Variants in NRXN3 observed in about 807,000 individuals in gnomAD.
NRXN3 encodes neurexin 3.
Under a neutral mutation model 137.6 loss-of-function variants are expected in NRXN3, and 32 were observed. That is an observed-to-expected ratio of 0.23 (90% CI 0.18 to 0.31). The LOEUF is 0.31. NRXN3 is among the 10% of genes least tolerant of loss of function. NRXN3 has a pLI of 1.00. For synonymous variants in NRXN3, 798 were observed against 784.5 expected (o/e 1.02, Z -0.29); for missense variants, 1,574 against 2,062.5 (o/e 0.76, Z 4.59).
At chr14:78,971,313 C>A (rs1252717925) in intron 14 of NRXN3, among the ~76,000 whole-genome samples, 1 of 151,972 alleles carries the variant, frequency 6.6e-6, no homozygotes, top group African/African-American at 2.4e-5. Flanking sequence ...TTTATCATTT[C>A]TTTTACATAG....
intron 2 of NRXN3, among the ~76,000 whole-genome samples, chr14:78,257,219 C>G (rs903150843): frequency 5.3e-5 from 8 of 152,214 alleles, no homozygotes; most frequent in African/African-American, 1.9e-4. Flanking sequence ...TGAACTATCT[C>G]CAAGCTTTTG....
intron 15 of NRXN3, among the ~76,000 whole-genome samples, chr14:79,384,440 A>G (rs1349058003): frequency 6.6e-6 from 1 of 152,300 alleles, no homozygotes; most frequent in East Asian, 1.9e-4. Context: ...CACTCTTTCT[A>G]AATGTGCCTT....
intron 1 of NRXN3, among the ~76,000 whole-genome samples, chr14:78,180,358 T>A (rs1038037169): frequency 3.3e-5 from 5 of 152,012 alleles, no homozygotes; most frequent in Non-Finnish European, 7.4e-5. Flanking sequence ...AGAAAAAAAA[T>A]GAAGCATCCA....
intron 16 of NRXN3, among the ~76,000 whole-genome samples, chr14:79,489,215 C>A (rs2096687446): frequency 6.6e-6 from 1 of 152,092 alleles, no homozygotes; most frequent in Non-Finnish European, 1.5e-5. Context: ...AAATAATATT[C>A]TTTACAGGTG....
intron 15 of NRXN3, among the ~76,000 whole-genome samples, chr14:79,193,828 C>T (rs1341376278): frequency 6.6e-6 from 1 of 152,160 alleles, no homozygotes; most frequent in Non-Finnish European, 1.5e-5. Context: ...ATGATAGCAT[C>T]TTGAATTTCC....
At chr14:78,331,033 T>G (rs1194130395) in intron 4 of NRXN3, among the ~76,000 whole-genome samples, 1 of 152,184 alleles carries the variant, frequency 6.6e-6, no homozygotes, top group African/African-American at 2.4e-5. Context: ...AGCATGCAAA[T>G]TTTAAAGGGT....
chr14:79,373,892 C>G (rs1323677996), intron 15 of NRXN3, among the ~76,000 whole-genome samples: 1 of 152,058 alleles, frequency 6.6e-6, no homozygotes, highest in East Asian at 1.9e-4. Context: ...ATTCATCTCT[C>G]TGAGCCTGCT....
chr14:79,850,515 C>T (rs1286943587), intron 20 of NRXN3, among the ~76,000 whole-genome samples: 1 of 152,160 alleles, frequency 6.6e-6, no homozygotes, highest in African/African-American at 2.4e-5. Flanking sequence ...TGAATTCTAA[C>T]AACTGTAATA....
chr14:79,055,172 A>G (rs1014405441), intron 15 of NRXN3, among the ~76,000 whole-genome samples: 1 of 152,174 alleles, frequency 6.6e-6, no homozygotes, highest in African/African-American at 2.4e-5. Flanking sequence ...TCGGAACTTC[A>G]TGACTTTTTC....
At chr14:78,900,336 C>T (rs1445990115) in intron 10 of NRXN3, among the ~76,000 whole-genome samples, 1 of 151,890 alleles carries the variant, frequency 6.6e-6, no homozygotes, top group Non-Finnish European at 1.5e-5. Context: ...CCTTTAGCAG[C>T]TTCTAAGCCT....
intron 15 of NRXN3, among the ~76,000 whole-genome samples, chr14:79,238,979 G>A (rs1306415345): frequency 2.6e-5 from 4 of 152,072 alleles, no homozygotes; most frequent in Admixed American, 2.6e-4. Flanking sequence ...AACTATTAGT[G>A]TACAGAAGCC....
At chr14:78,546,479 T>G (rs1398404837) in intron 4 of NRXN3, among the ~76,000 whole-genome samples, 1 of 152,228 alleles carries the variant, frequency 6.6e-6, no homozygotes, top group East Asian at 1.9e-4. Flanking sequence ...CCATCAAATA[T>G]GTTACTTTTT....
intron 4 of NRXN3, among the ~76,000 whole-genome samples, chr14:78,498,281 A>T (rs1468747211): frequency 6.6e-6 from 1 of 152,140 alleles, no homozygotes; most frequent in Non-Finnish European, 1.5e-5. Flanking sequence ...TATCAGAGGG[A>T]GATGATCCTC....
At chr14:78,397,235 T>A (rs544272858) in intron 4 of NRXN3, among the ~76,000 whole-genome samples, 1 of 152,350 alleles carries the variant, frequency 6.6e-6, no homozygotes, top group South Asian at 2.1e-4. Context: ...TTTAAGTTAT[T>A]ACTTCTTTAA....
At chr14:78,757,487 T>TAGGAAAGGCTAGGCCTC in intron 8 of NRXN3, among the ~76,000 whole-genome samples, 1 of 151,918 alleles carries the variant, frequency 6.6e-6, no homozygotes, top group Non-Finnish European at 1.5e-5. Context: ...AGCCCAGTGT[T>TAGGAAAGGCTAGGCCTC]AGGAAAGGCT....
chr14:79,155,716 A>T (rs1389198110), intron 15 of NRXN3, among the ~76,000 whole-genome samples: 2 of 151,812 alleles, frequency 1.3e-5, no homozygotes, highest in Non-Finnish European at 2.9e-5. Flanking sequence ...AATAAAGGAG[A>T]TTGGCAGATT....
chr14:78,456,811 TTC>T (rs1026247041), intron 4 of NRXN3, among the ~76,000 whole-genome samples: 4 of 115,162 alleles, frequency 3.5e-5, no homozygotes, highest in African/African-American at 1.1e-4. Flanking sequence ...CTTTCTTTCT[TTC>T]TTTCTTTCTT....
intron 10 of NRXN3, among the ~76,000 whole-genome samples, chr14:78,840,249 AT>A (rs1430538556): frequency 6.6e-6 from 1 of 152,190 alleles, no homozygotes; most frequent in African/African-American, 2.4e-5. Context: ...GCCAGATTTG[AT>A]TTTAGCATTG....
At chr14:78,233,952 A>G (rs1269198099) in intron 1 of NRXN3, among the ~76,000 whole-genome samples, 2 of 152,168 alleles carry the variant, frequency 1.3e-5, no homozygotes, top group Non-Finnish European at 2.9e-5. Context: ...AGCTCCCATA[A>G]TTCCCACATG....
Sources: allele counts gnomAD v4.1 joint callset (sites outside exome capture counted in the v4.1 genomes callset), GRCh38; gene constraint gnomAD v4.1.1; transcripts MANE v1.5; gene names NCBI Gene and HGNC (gene_info 2026-07-23, HGNC 2026-07-21).